Variants in DAB1 observed in about 807,000 individuals in gnomAD.
DAB1 encodes the protein DAB adaptor protein 1.
DAB1 carries 15 observed loss-of-function variants against 64.6 expected under a neutral mutation model. The observed-to-expected ratio is 0.23, with a 90% CI of 0.16 to 0.36. The LOEUF (loss-of-function observed/expected upper bound fraction) is 0.36. Ranked by LOEUF, DAB1 falls within the 10% of genes least tolerant of loss-of-function variation. DAB1 has a pLI of 1.00. For synonymous variants in DAB1, 235 were observed against 251.9 expected (o/e 0.93, Z 0.64); for missense variants, 596 against 706.7 (o/e 0.84, Z 1.78).
At chr1:58,313,856 T>TGTGTGTGTGTGTGA (rs369709762) in intron 4 of DAB1, among the ~76,000 whole-genome samples, 13 of 112,064 alleles carry the variant, frequency 1.2e-4, no homozygotes, top group African/African-American at 4.0e-4. Context: ...TGTGTGTGTG[T>TGTGTGTGTGTGTGA]GAGAGAGAGA....
intron 3 of DAB1, among the ~76,000 whole-genome samples, chr1:58,442,075 G>A (rs12121678): frequency 0.33 from 49,777 of 152,074 alleles, 8,785 homozygotes; most frequent in South Asian, 0.49. Flanking sequence ...TGTAAATAGG[G>A]CACACTGGGG....
chr1:58,352,749 G>T (rs986473982), intron 3 of DAB1, among the ~76,000 whole-genome samples: 2 of 152,104 alleles, frequency 1.3e-5, no homozygotes, highest in African/African-American at 4.8e-5. Context: ...TGATGATATT[G>T]GGTGGTGGGG....
intron 5 of DAB1, among the ~76,000 whole-genome samples, chr1:58,113,160 G>A (rs1435071806): frequency 6.6e-6 from 1 of 152,208 alleles, no homozygotes; most frequent in Non-Finnish European, 1.5e-5. Context: ...ACAGGCACAA[G>A]AAGTCAGGAA....
intron 3 of DAB1, among the ~76,000 whole-genome samples, chr1:58,500,559 C>G (rs1213154602): frequency 6.6e-6 from 1 of 152,118 alleles, no homozygotes; most frequent in Non-Finnish European, 1.5e-5. Context: ...CCAAGTGATT[C>G]TGATATCTAA....
intron 4 of DAB1, among the ~76,000 whole-genome samples, chr1:58,291,310 TC>T (rs1661829528): frequency 6.6e-6 from 1 of 152,202 alleles, no homozygotes; most frequent in South Asian, 2.1e-4. Flanking sequence ...GTGGTTTATT[TC>T]CTGAATAACA....
In DAB1 at chr1:57,648,180, T is replaced by A. The variant is rs1479712124; in HGVS notation, n.625+1412A>T. 2.6e-5 allele frequency among the ~76,000 whole-genome samples: 4 copies of A among 152,210 alleles called. No homozygotes were observed. The East Asian group carries it at 5.8e-4, about 22-fold the overall frequency. On this transcript the variant is annotated intron_variant and non_coding_transcript_variant, in intron 7 of 20. Transcript: ENST00000485760. ...TCAAACTCAGTCCAGCATCAAATGA[T>A]CAGCCTCTTCTCTCTATTGCGGCAA... is the stretch of plus-strand genomic sequence containing the variant.
intron 5 of DAB1, among the ~76,000 whole-genome samples, chr1:58,003,657 C>T (rs1424619182): frequency 6.6e-6 from 1 of 152,156 alleles, no homozygotes; most frequent in African/African-American, 2.4e-5. Context: ...ATGCCTTCAA[C>T]TTAGATTGAA....
chr1:58,538,102 T>C (rs557379520), intron 1 of DAB1, among the ~76,000 whole-genome samples: 1 of 152,210 alleles, frequency 6.6e-6, no homozygotes, highest in Non-Finnish European at 1.5e-5. Context: ...TTGGTTCATG[T>C]GGTAGTAAGA....
intron 5 of DAB1, among the ~76,000 whole-genome samples, chr1:58,024,733 T>C (rs78356876): frequency 0.02 from 3,029 of 152,278 alleles, 90 homozygotes; most frequent in African/African-American, 0.066. Flanking sequence ...ATATTAACAT[T>C]TGAATTGGTA....
chr1:57,292,120 G>A (rs1991092), intron 1 of DAB1, among the ~76,000 whole-genome samples: 3,964 of 152,216 alleles, frequency 0.026, 173 homozygotes, highest in African/African-American at 0.09. Context: ...TCTTCGAATT[G>A]TGCAGCCAAT....
At chr1:58,069,432 TA>T (rs997957302) in intron 5 of DAB1, among the ~76,000 whole-genome samples, 3 of 152,198 alleles carry the variant, frequency 2.0e-5, no homozygotes, top group African/African-American at 7.2e-5. Context: ...TTAGCATAAA[TA>T]ACAAGAATTG....
At chr1:58,546,153 CG>C (rs918100580) in intron 1 of DAB1, among the ~76,000 whole-genome samples, 103 of 152,336 alleles carry the variant, frequency 6.8e-4, no homozygotes, top group African/African-American at 2.4e-3. Context: ...TAAAACTCCC[CG>C]GAACTGCTTA....
At chr1:58,077,765 G>A (rs536696082) in intron 5 of DAB1, among the ~76,000 whole-genome samples, 7 of 152,254 alleles carry the variant, frequency 4.6e-5, no homozygotes, top group Admixed American at 2.6e-4. Flanking sequence ...TGGGGAGCAC[G>A]TTCCCCTCAT....
intron 7 of DAB1, among the ~76,000 whole-genome samples, chr1:57,582,954 G>A (rs1041005691): frequency 1.3e-5 from 2 of 152,160 alleles, no homozygotes; most frequent in Non-Finnish European, 2.9e-5. Context: ...TTCCAGTTCT[G>A]ATGAAAATCC....
At chr1:57,897,368 G>A (rs1365881843) in intron 5 of DAB1, among the ~76,000 whole-genome samples, 1 of 152,126 alleles carries the variant, frequency 6.6e-6, no homozygotes, top group Non-Finnish European at 1.5e-5. Flanking sequence ...TGGAAACCAT[G>A]GCCCAATTCT....
At chr1:57,521,884 C>T (rs555772457) in intron 7 of DAB1, among the ~76,000 whole-genome samples, 21 of 152,072 alleles carry the variant, frequency 1.4e-4, no homozygotes, top group Middle Eastern at 3.4e-3. Flanking sequence ...CTGAGGCGGG[C>T]GGATCACTTA....
chr1:58,423,443 T>C (rs1644791885), intron 3 of DAB1, among the ~76,000 whole-genome samples: 1 of 152,188 alleles, frequency 6.6e-6, no homozygotes, highest in Non-Finnish European at 1.5e-5. Context: ...AAGTTCCAAC[T>C]GGAGGTAGAC....
intron 2 of DAB1, among the ~76,000 whole-genome samples, chr1:57,197,714 C>A (rs1165221762): frequency 2.6e-5 from 4 of 152,170 alleles, no homozygotes; most frequent in Admixed American, 2.6e-4. Flanking sequence ...CTTCTCCTCA[C>A]CCCAAGTCAG....
chr1:57,920,926 C>T (rs544504461), intron 5 of DAB1, among the ~76,000 whole-genome samples: 59 of 150,594 alleles, frequency 3.9e-4, no homozygotes, highest in African/African-American at 1.4e-3. Context: ...TTCTGAGCCA[C>T]AAATTCTACT....
Sources: gnomAD v4.1 joint callset for allele counts (sites outside exome capture counted in the v4.1 genomes callset) on GRCh38, gnomAD v4.1.1 for gene constraint, MANE v1.5 for transcripts, NCBI Gene and HGNC (gene_info 2026-07-23, HGNC 2026-07-21) for gene names.